The following MAF variants were observed in gnomAD, a reference collection of about 807,000 sequenced individuals.
The protein encoded by MAF is transcription factor Maf.
MAF carries 10 observed loss-of-function variants against 22.0 expected under a neutral mutation model. That is an observed-to-expected ratio of 0.45 (90% CI 0.28 to 0.77). The LOEUF (loss-of-function observed/expected upper bound fraction) is 0.77, where lower values mean the gene tolerates loss of function less well. MAF is among the 30% of genes least tolerant of loss of function. The pLI, the probability that MAF is intolerant of heterozygous loss-of-function variation, is 0.12. For synonymous variants in MAF, 337 were observed against 255.8 expected (o/e 1.32, Z -3.03); for missense variants, 544 against 548.4 (o/e 0.99, Z 0.08).
the MAF span, among the ~76,000 whole-genome samples, chr16:79,559,305 C>T: frequency 2.6e-5 from 4 of 152,126 alleles, no homozygotes; most frequent in South Asian, 2.1e-4. Context: ...TGAATCAGCC[C>T]GATCACCCAC....
the MAF span, among the ~76,000 whole-genome samples, chr16:79,435,959 GC>G: frequency 6.6e-6 from 1 of 152,142 alleles, no homozygotes; most frequent in Non-Finnish European, 1.5e-5. Flanking sequence ...GGTGCAGGAA[GC>G]CAAAACCAAA....
chr16:79,233,769 G>A, the MAF span, among the ~76,000 whole-genome samples: 43 of 152,078 alleles, frequency 2.8e-4, no homozygotes, highest in Middle Eastern at 3.4e-3. Context: ...CGAGGCAAGC[G>A]GATCACAAGG....
chr16:79,285,304 T>C, the MAF span, among the ~76,000 whole-genome samples: 29 of 152,306 alleles, frequency 1.9e-4, 1 homozygote, highest in Middle Eastern at 6.8e-3. Context: ...AGCCATAATA[T>C]ATACGGCCCC....
the MAF span, among the ~76,000 whole-genome samples, chr16:79,441,892 T>C: frequency 6.6e-6 from 1 of 152,138 alleles, no homozygotes; most frequent in Non-Finnish European, 1.5e-5. Flanking sequence ...GGGCCTTAAA[T>C]CCGATGACGA....
the MAF span, among the ~76,000 whole-genome samples, chr16:79,249,523 C>A: frequency 1.3e-5 from 2 of 152,058 alleles, no homozygotes; most frequent in African/African-American, 2.4e-5. Flanking sequence ...TCACCAGACA[C>A]CAAATCTGCT....
the MAF span, among the ~76,000 whole-genome samples, chr16:79,416,723 G>A: frequency 6.6e-6 from 1 of 152,114 alleles, no homozygotes; most frequent in African/African-American, 2.4e-5. Flanking sequence ...AATGGAATTG[G>A]GATTAGAAGA....
the MAF span, among the ~76,000 whole-genome samples, chr16:79,451,238 G>A: frequency 2.6e-5 from 4 of 152,188 alleles, no homozygotes; most frequent in African/African-American, 9.7e-5. Context: ...ACTGGAAAAG[G>A]GTTAGCTAAT....
the MAF span, among the ~76,000 whole-genome samples, chr16:79,335,695 C>T: frequency 6.6e-6 from 1 of 152,190 alleles, no homozygotes; most frequent in East Asian, 1.9e-4. Context: ...CCATGAAGGG[C>T]AAATTCAGCA....
chr16:79,481,739 G>T, the MAF span, among the ~76,000 whole-genome samples: 122,848 of 152,058 alleles, frequency 0.81, 50,047 homozygotes, highest in East Asian at 0.93. Context: ...CATCCATGCA[G>T]GTACTCACTT....
chr16:79,255,830 A>C, the MAF span, among the ~76,000 whole-genome samples: 41 of 152,286 alleles, frequency 2.7e-4, no homozygotes, highest in African/African-American at 8.9e-4. Flanking sequence ...GGATATTAAC[A>C]GCTTCCCTAC....
chr16:79,217,312 A>G, the MAF span, among the ~76,000 whole-genome samples: 1 of 152,162 alleles, frequency 6.6e-6, no homozygotes, highest in Non-Finnish European at 1.5e-5. Flanking sequence ...GCCTTCCACT[A>G]CACACTACTT....
chr16:79,570,518 G>C, the MAF span, among the ~76,000 whole-genome samples: 2 of 152,146 alleles, frequency 1.3e-5, no homozygotes, highest in Admixed American at 1.3e-4. Context: ...TCTCTGCTTA[G>C]TTTGTGCTTA....
chr16:79,381,040 G>C, the MAF span, among the ~76,000 whole-genome samples: 1 of 152,270 alleles, frequency 6.6e-6, no homozygotes, highest in East Asian at 1.9e-4. Context: ...TGAAGGGCAG[G>C]CTGGCAGGGC....
the MAF span, among the ~76,000 whole-genome samples, chr16:79,353,629 G>C: frequency 1.3e-5 from 2 of 152,066 alleles, no homozygotes; most frequent in Non-Finnish European, 2.9e-5. Flanking sequence ...TTCCTGGACT[G>C]TTTAATTCCC....
chr16:79,287,775 ATTCATTCACTCACTCATTCT>A, the MAF span, among the ~76,000 whole-genome samples: 4 of 152,080 alleles, frequency 2.6e-5, no homozygotes, highest in Non-Finnish European at 4.4e-5. Context: ...TTATTCACCC[ATTCATTCACTCACTCATTCT>A]TTCATTCACT....
chr16:79,490,107 T>C, the MAF span, among the ~76,000 whole-genome samples: 1 of 152,314 alleles, frequency 6.6e-6, no homozygotes, highest in East Asian at 1.9e-4. Context: ...GAGGCAGTTA[T>C]ATTTCAAATC....
chr16:79,581,272 C>T (rs948291500), downstream of MAF, among the ~76,000 whole-genome samples: 1 of 152,166 alleles, frequency 6.6e-6, no homozygotes, highest in Admixed American at 6.5e-5. Flanking sequence ...TCCCCCATTT[C>T]CTGTTCATCA....
At chr16:79,335,807 CTCTCT>C in the MAF span, among the ~76,000 whole-genome samples, 2 of 152,206 alleles carry the variant, frequency 1.3e-5, no homozygotes, top group Admixed American at 1.3e-4. Flanking sequence ...ATTTTCTTCT[CTCTCT>C]TAAGTTTTAT....
chr16:79,242,615 A>C, the MAF span, among the ~76,000 whole-genome samples: 1 of 152,024 alleles, frequency 6.6e-6, no homozygotes, highest in Admixed American at 6.6e-5. Context: ...GGAGACTTTA[A>C]CACCCCACTG....
Sources: allele counts gnomAD v4.1 joint callset (sites outside exome capture counted in the v4.1 genomes callset), GRCh38; gene constraint gnomAD v4.1.1; transcripts MANE v1.5; gene names NCBI Gene and HGNC (gene_info 2026-07-23, HGNC 2026-07-21).